The following HPD variants were observed in gnomAD, a reference collection of about 807,000 sequenced individuals.
HPD encodes the protein 4-hydroxyphenylpyruvate dioxygenase.
In HPD, 35 loss-of-function variants were observed where a neutral mutation model predicts 56.9. The observed-to-expected ratio is 0.62, with a 90% confidence interval of 0.47 to 0.82. HPD has a LOEUF of 0.82. Ranked by LOEUF, HPD falls within the 40% of genes least tolerant of loss-of-function variation. The pLI is 0.00. For missense variants in HPD, 442 were observed against 506.8 expected, an observed-to-expected ratio of 0.87 and a Z score of 1.23; for synonymous variants, 186 against 200.2, an observed-to-expected ratio of 0.93 and a Z score of 0.60.
the HPD span, among the ~76,000 whole-genome samples, chr12:121,884,753 AAAG>A: frequency 6.6e-6 from 1 of 152,164 alleles, no homozygotes; most frequent in Non-Finnish European, 1.5e-5. Context: ...AAAATATTAT[AAAG>A]AACATTTATA....
chr12:121,856,685 C>A, intron 4 of HPD, 60 bp from the exon 5 acceptor site: 1 of 1,530,794 alleles, frequency 6.5e-7, no homozygotes, highest in Non-Finnish European at 9.0e-7. Flanking sequence ...GGAGGTGCAC[C>A]CATCGGCCCC....
intron 11 of HPD, among the ~76,000 whole-genome samples, chr12:121,845,159 G>A (rs1877537433): frequency 6.7e-6 from 1 of 149,348 alleles, no homozygotes; most frequent in African/African-American, 2.6e-5. Context: ...TGTCACCCAG[G>A]CTGCAGTGCA....
intron 2 of HPD, among the ~76,000 whole-genome samples, chr12:121,858,249 T>C (rs2620332): frequency 0.84 from 128,323 of 152,064 alleles, 54,230 homozygotes; most frequent in Middle Eastern, 0.91. Flanking sequence ...TCACTGCAAC[T>C]TCCGCCTCCC....
chr12:121,875,254 G>A, the HPD span, among the ~76,000 whole-genome samples: 38 of 152,096 alleles, frequency 2.5e-4, no homozygotes, highest in Non-Finnish European at 4.7e-4. Context: ...CAGTCAATGA[G>A]GGAAAAAACA....
chr12:121,874,509 T>C, the HPD span, among the ~76,000 whole-genome samples: 1 of 151,612 alleles, frequency 6.6e-6, no homozygotes, highest in Non-Finnish European at 1.5e-5. Flanking sequence ...TCCCAGCTAC[T>C]TGGGAGGCTG....
chr12:121,842,777 TCA>T (rs2137609934), intron 12 of HPD, among the ~76,000 whole-genome samples: 1 of 117,772 alleles, frequency 8.5e-6, no homozygotes, highest in East Asian at 2.8e-4. Context: ...AGACAGAGTC[TCA>T]CTGTGTCGCC....
At chr12:121,868,202 C>T (rs893616104), upstream of HPD, among the ~76,000 whole-genome samples, 2 of 152,132 alleles carry the variant, frequency 1.3e-5, no homozygotes, top group Non-Finnish European at 2.9e-5. Context: ...AAAACCCAAA[C>T]AAACAACACT....
At chr12:121,849,657 C>T (rs374550264) in intron 8 of HPD, 30 bp downstream of exon 8, 101 of 1,434,042 alleles carry the variant, frequency 7.0e-5, no homozygotes, top group Middle Eastern at 5.2e-4. Flanking sequence ...TCAGGGCTTT[C>T]CACCCACCTC....
chr12:121,860,749 C>T (rs1462690309), upstream of HPD, among the ~76,000 whole-genome samples: 4 of 152,198 alleles, frequency 2.6e-5, no homozygotes, highest in East Asian at 1.9e-4. Context: ...TGCAGAAAAG[C>T]ATTCACCTAG....
upstream of HPD, chr12:121,858,902 C>A: frequency 6.4e-7 from 1 of 1,552,558 alleles, no homozygotes; most frequent in South Asian, 1.1e-5. Context: ...CCAAGCAGGT[C>A]CCGCCCAGGC....
the HPD span, among the ~76,000 whole-genome samples, chr12:121,869,673 C>T: frequency 6.6e-6 from 1 of 151,422 alleles, no homozygotes; most frequent in Non-Finnish European, 1.5e-5. Context: ...TAAAGGCGCC[C>T]ACCACCAGGC....
intron 12 of HPD, among the ~76,000 whole-genome samples, chr12:121,841,005 C>G (rs1877387762): frequency 6.6e-6 from 1 of 151,448 alleles, no homozygotes; most frequent in Non-Finnish European, 1.5e-5. Flanking sequence ...ACCAGCCTGG[C>G]CAACATGGTG....
the HPD span, among the ~76,000 whole-genome samples, chr12:121,883,575 C>T: frequency 6.6e-6 from 1 of 151,994 alleles, no homozygotes; most frequent in African/African-American, 2.4e-5. Flanking sequence ...TTTCAGACCG[C>T]ATGGGTAAGA....
chr12:121,856,438 G>T, intron 5 of HPD, 32 bp from the exon 6 acceptor site: 1 of 1,606,874 alleles, frequency 6.2e-7, no homozygotes, highest in Admixed American at 1.7e-5. Context: ...TGGCACTGGA[G>T]TCTGGAGTCT....
intron 7 of HPD, among the ~76,000 whole-genome samples, chr12:121,851,643 GTTTAA>G (rs1434680378): frequency 6.7e-6 from 1 of 150,016 alleles, no homozygotes; most frequent in African/African-American, 2.4e-5. Flanking sequence ...CCATTTTTAT[GTTTAA>G]TTTAATTTTT....
chr12:121,861,418 T>A (rs1265450067), upstream of HPD, among the ~76,000 whole-genome samples: 2 of 151,646 alleles, frequency 1.3e-5, no homozygotes, highest in Non-Finnish European at 2.9e-5. Flanking sequence ...GGCAGGAGAA[T>A]CACTTGAACC....
the HPD span, among the ~76,000 whole-genome samples, chr12:121,881,702 AG>A: frequency 6.6e-6 from 1 of 151,508 alleles, no homozygotes; most frequent in Non-Finnish European, 1.5e-5. Context: ...TCTGGAGTGC[AG>A]TGGTGCGATC....
chr12:121,850,691 CCT>C lies in HPD; in HGVS notation c.415-903_415-902del, dbSNP rs1491470229. On this transcript the variant is annotated intron_variant, in intron 7 of 13. Transcript: ENST00000289004. The stretch of plus-strand genomic sequence containing the variant: ...TACAGGCATGAGCCACTGTACCTAG[CCT>C]TTTTTTTTTTTTTTTTTTTTGTTTG... 1.0e-4 allele frequency among the ~76,000 whole-genome samples: 13 copies of C among 124,726 alleles called. No individual in the cohort carries two copies. The South Asian group carries it at 3.1e-3, about 30-fold the overall frequency. The allele number at this position is 124,726 out of a possible 152,430, so 81.8% of individuals were successfully genotyped here. A position where few individuals can be genotyped will look rare whatever the true frequency, so the allele number is the denominator to read the frequency against.
At chr12:121,870,184 A>G in the HPD span, among the ~76,000 whole-genome samples, 1 of 152,048 alleles carries the variant, frequency 6.6e-6, no homozygotes, top group Non-Finnish European at 1.5e-5. Context: ...TTTTCAAAAT[A>G]ATTAAAATAA....
Sources: gnomAD v4.1 joint callset for allele counts (sites outside exome capture counted in the v4.1 genomes callset) on GRCh38, gnomAD v4.1.1 for gene constraint, MANE v1.5 for transcripts, NCBI Gene and HGNC (gene_info 2026-07-23, HGNC 2026-07-21) for gene names.